WWOX: variants seen among roughly 807,000 people sequenced by gnomAD.
WWOX encodes the protein WW domain-containing oxidoreductase.
WWOX carries 69 observed loss-of-function variants against 46.2 expected under a neutral mutation model. The ratio of observed to expected loss-of-function variants is 1.49; its 90% CI spans 1.23 to 1.82. WWOX has a LOEUF of 1.82. WWOX is among the 40% of genes most tolerant of loss of function. The pLI, the probability that WWOX is intolerant of heterozygous loss-of-function variation, is 0.00. For missense variants in WWOX, 919 were observed against 542.6 expected, an observed-to-expected ratio of 1.69 and a Z score of -6.89; for synonymous variants, 359 against 202.6, an observed-to-expected ratio of 1.77 and a Z score of -6.56.
chr16:78,634,417 T>C (rs2151664591), intron 8 of WWOX, among the ~76,000 whole-genome samples: 1 of 152,150 alleles, frequency 6.6e-6, no homozygotes, highest in Middle Eastern at 3.4e-3. Flanking sequence ...TGTTCAAAGT[T>C]GTAGGGACAG....
At chr16:78,847,450 C>G (rs921882548) in intron 8 of WWOX, among the ~76,000 whole-genome samples, 2 of 151,952 alleles carry the variant, frequency 1.3e-5, no homozygotes, top group Non-Finnish European at 2.9e-5. Context: ...TGTGTTTGTA[C>G]CTAATTCCAA....
intron 5 of WWOX, among the ~76,000 whole-genome samples, chr16:78,324,599 A>G (rs559668147): frequency 7.9e-5 from 12 of 152,328 alleles, no homozygotes; most frequent in African/African-American, 2.9e-4. Flanking sequence ...ATTCCATTTT[A>G]TATTCATAAA....
chr16:79,096,016 A>ATTTTTTGTTTTTTTTTTT (rs71384393), intron 8 of WWOX, among the ~76,000 whole-genome samples: 1 of 82,054 alleles, frequency 1.2e-5, no homozygotes. Flanking sequence ...CACCCGGATA[A>ATTTTTTGTTTTTTTTTTT]TTTTTTTTTT....
At chr16:78,395,752 TTTTTTC>T (rs143959184) in intron 6 of WWOX, among the ~76,000 whole-genome samples, 51,688 of 151,082 alleles carry the variant, frequency 0.34, 11,550 homozygotes, top group African/African-American at 0.59. Flanking sequence ...TTTTGTTTTG[TTTTTTC>T]TTTTTCTTTT....
chr16:78,893,610 G>T (rs1051674535), intron 8 of WWOX, among the ~76,000 whole-genome samples: 2 of 152,118 alleles, frequency 1.3e-5, no homozygotes, highest in African/African-American at 2.4e-5. Flanking sequence ...CTTAAATGTT[G>T]CAGCCAATAT....
rs146312103 is a variant in WWOX at position 78,783,486 on chromosome 16, C to G, written c.1056+350734C>G. Among the ~76,000 whole-genome samples the G allele has an allele frequency of 5.4e-3, 825 of 152,286 alleles. 9 individuals are homozygous for G. Among genetic ancestry groups the G allele is most frequent in the African/African-American group, 0.019 (792 of 41,556 alleles). ...AGCTCTTTCTGCAAAGGGAAAGTAG[C>G]TCTTTGTACCAAAGCAAGGGCCTCT... On this transcript the variant is annotated intron_variant, in intron 8 of 8. Coordinates refer to ENST00000566780, the MANE Select transcript of WWOX (RefSeq NM_016373.4).
At chr16:79,029,790 C>G (rs539409028) in intron 8 of WWOX, among the ~76,000 whole-genome samples, 151 of 152,254 alleles carry the variant, frequency 9.9e-4, no homozygotes, top group South Asian at 3.1e-3. Context: ...ATTTATTGGT[C>G]TTTGGACTCT....
intron 8 of WWOX, among the ~76,000 whole-genome samples, chr16:78,888,886 A>G (rs1323732018): frequency 6.6e-6 from 1 of 151,698 alleles, no homozygotes; most frequent in Non-Finnish European, 1.5e-5. Flanking sequence ...ACTCGATCTA[A>G]TTTCTCTTCC....
At chr16:78,607,442 G>A (rs1171819610) in intron 8 of WWOX, among the ~76,000 whole-genome samples, 1 of 152,064 alleles carries the variant, frequency 6.6e-6, no homozygotes, top group Admixed American at 6.5e-5. Context: ...TGATAATTAA[G>A]CACAAATTGT....
At chr16:78,877,358 A>G (rs960012628) in intron 8 of WWOX, among the ~76,000 whole-genome samples, 1 of 148,468 alleles carries the variant, frequency 6.7e-6, no homozygotes, top group Admixed American at 6.7e-5. Flanking sequence ...GCTGTTCCTC[A>G]GACATGCCAG....
intron 8 of WWOX, among the ~76,000 whole-genome samples, chr16:79,173,028 G>T (rs1361277924): frequency 6.6e-6 from 1 of 152,150 alleles, no homozygotes; most frequent in East Asian, 1.9e-4. Context: ...CTCTAAATAA[G>T]TAAATAAATG....
chr16:78,819,601 A>C (rs1486908364), intron 8 of WWOX, among the ~76,000 whole-genome samples: 2 of 139,228 alleles, frequency 1.4e-5, no homozygotes, highest in Non-Finnish European at 3.4e-5. Flanking sequence ...CCTGTTTTGC[A>C]AGGAGCAGCA....
intron 8 of WWOX, among the ~76,000 whole-genome samples, chr16:78,948,701 T>C (rs926828580): frequency 6.6e-6 from 1 of 152,076 alleles, no homozygotes; most frequent in Non-Finnish European, 1.5e-5. Context: ...TTGGGGCTGG[T>C]GGTAGGCAGA....
chr16:78,117,993 G>T (rs538097696), intron 4 of WWOX, among the ~76,000 whole-genome samples: 27 of 151,284 alleles, frequency 1.8e-4, no homozygotes, highest in African/African-American at 6.6e-4. Flanking sequence ...CCTTACAAAG[G>T]CCGATTTGCA....
intron 8 of WWOX, among the ~76,000 whole-genome samples, chr16:78,970,064 C>G (rs28728058): frequency 0.57 from 87,084 of 151,534 alleles, 25,334 homozygotes; most frequent in Non-Finnish European, 0.62. Flanking sequence ...TTCAAGTAGT[C>G]TAACGCTCAA....
chr16:78,301,020 GCATCCATCCATCCATCCAT>G (rs2080031027), intron 5 of WWOX, among the ~76,000 whole-genome samples: 1 of 133,406 alleles, frequency 7.5e-6, no homozygotes, highest in South Asian at 2.3e-4. Flanking sequence ...ATCCATCCAT[GCATCCATCCATCCATCCAT>G]CATCCATCCA....
At chr16:78,773,201 C>T (rs1018314437) in intron 8 of WWOX, among the ~76,000 whole-genome samples, 2 of 152,112 alleles carry the variant, frequency 1.3e-5, no homozygotes, top group Non-Finnish European at 2.9e-5. Context: ...ATTTGTTGGG[C>T]AGTTAATATA....
intron 8 of WWOX, among the ~76,000 whole-genome samples, chr16:78,565,376 C>T (rs139798077): frequency 1.5e-3 from 225 of 152,282 alleles, no homozygotes; most frequent in South Asian, 4.4e-3. Context: ...TGTTTCCTTG[C>T]GTTTTTCATC....
At chr16:78,493,889 G>A (rs554330378) in intron 8 of WWOX, among the ~76,000 whole-genome samples, 5 of 152,262 alleles carry the variant, frequency 3.3e-5, no homozygotes, top group African/African-American at 4.8e-5. Flanking sequence ...TAGATGAATG[G>A]TAATACTTCC....
Sources: gnomAD v4.1 joint callset for allele counts (sites outside exome capture counted in the v4.1 genomes callset) on GRCh38, gnomAD v4.1.1 for gene constraint, MANE v1.5 for transcripts, NCBI Gene and HGNC (gene_info 2026-07-23, HGNC 2026-07-21) for gene names.